USH2A: variants seen among roughly 807,000 people sequenced by gnomAD.
USH2A encodes the protein Usher syndrome 2A (autosomal recessive, mild).
A neutral mutation model predicts 538.9 loss-of-function variants in USH2A; 443 were observed. The ratio of observed to expected loss-of-function variants is 0.82; its 90% CI spans 0.76 to 0.89. USH2A has a LOEUF of 0.89. Among genes scored for constraint, USH2A ranks in the 40% least tolerant of loss-of-function variants. USH2A has a pLI of 0.00. For synonymous variants in USH2A, 2,413 were observed against 2,273.5 expected, an observed-to-expected ratio of 1.06 and a Z score of -1.75; for missense variants, 6,633 against 6,324.8, an observed-to-expected ratio of 1.05 and a Z score of -1.65.
intron 12 of USH2A, among the ~76,000 whole-genome samples, chr1:216,247,755 G>T (rs559539277): frequency 6.6e-6 from 1 of 152,012 alleles, no homozygotes; most frequent in East Asian, 1.9e-4. Context: ...ATTGCTAAGA[G>T]ATTAGATCTT....
intron 21 of USH2A, among the ~76,000 whole-genome samples, chr1:216,107,169 A>G (rs567710291): frequency 2.4e-4 from 36 of 151,874 alleles, no homozygotes; most frequent in African/African-American, 8.4e-4. Context: ...AGTGTGTTTG[A>G]TTTTTCTGTA....
intron 47 of USH2A, among the ~76,000 whole-genome samples, chr1:215,826,995 G>T (rs952615737): frequency 6.6e-6 from 1 of 152,132 alleles, no homozygotes; most frequent in African/African-American, 2.4e-5. Flanking sequence ...AGAAGTGAGT[G>T]TTGGAAAAGA....
intron 11 of USH2A, among the ~76,000 whole-genome samples, chr1:216,265,672 A>G (rs2036457747): frequency 6.6e-6 from 1 of 151,666 alleles, no homozygotes; most frequent in South Asian, 2.1e-4. Context: ...ATATATAAAT[A>G]TATAATGAAA....
chr1:216,186,092 A>AT (rs989846343), intron 20 of USH2A, among the ~76,000 whole-genome samples: 3 of 151,852 alleles, frequency 2.0e-5, no homozygotes, highest in Admixed American at 6.6e-5. Flanking sequence ...GAAAATAAAC[A>AT]TTTTTTCCAG....
chr1:216,004,829 T>C (rs556738267), intron 32 of USH2A, among the ~76,000 whole-genome samples: 83 of 152,220 alleles, frequency 5.5e-4, no homozygotes, highest in African/African-American at 1.9e-3. Flanking sequence ...GAGAATCTAG[T>C]TCAAAAGTGA....
At chr1:216,207,504 C>T in intron 15 of USH2A, 73 bp from the exon 16 acceptor site, 3 of 1,577,240 alleles carry the variant, frequency 1.9e-6, no homozygotes, top group Non-Finnish European at 2.6e-6. Flanking sequence ...AGTAAGATAT[C>T]CAGCAAAGAG....
intron 13 of USH2A, among the ~76,000 whole-genome samples, chr1:216,241,290 A>G (rs1454892577): frequency 6.6e-6 from 1 of 152,198 alleles, no homozygotes; most frequent in Non-Finnish European, 1.5e-5. Flanking sequence ...ATAAACATCT[A>G]AAGGAGTTGA....
At chr1:216,090,437 A>C in intron 22 of USH2A, among the ~76,000 whole-genome samples, 1 of 150,746 alleles carries the variant, frequency 6.6e-6, no homozygotes, top group Admixed American at 6.7e-5. Flanking sequence ...AAAGTAAAAA[A>C]AAAAAAAAAA....
At chr1:216,010,772 TTAAC>T (rs1341094968) in intron 32 of USH2A, among the ~76,000 whole-genome samples, 25 of 151,794 alleles carry the variant, frequency 1.6e-4, no homozygotes, top group African/African-American at 5.3e-4. Flanking sequence ...CTGAGACACT[TTAAC>T]TAAATTATCT....
At position 215,728,123 on chromosome 1, in the gene USH2A, G is replaced by T. The variant is rs760693392; in HGVS notation, c.11973C>A (p.Pro3991=). ...CACGGTAATGGGAGATAATGCCATT[G>T]GGAGATTCTGGCTTTGTCCAATTCA... is the stretch of plus-strand genomic sequence containing the variant. ...VLLNWTKPES[P]NGIISHYRVV... The change falls in exon 61 of 72, where the codon CCC becomes CCA. Residue 3991 remains proline, a synonymous_variant. Coordinates refer to ENST00000307340, the MANE Select transcript of USH2A (RefSeq NM_206933.4). 6.2e-7 allele frequency: 1 copy of T among 1,614,156 alleles called. No individual in the cohort carries two copies. The highest frequency in any genetic ancestry group is 1.1e-5 in the South Asian group (1 of 91,086).
intron 70 of USH2A, chr1:215,629,887 T>C (rs1571915604): frequency 3.6e-6 from 1 of 276,480 alleles, no homozygotes; most frequent in East Asian, 9.8e-5. Context: ...GCCATTCTCC[T>C]GCCTCAGCCT....
chr1:216,094,051 C>T (rs1456962421), intron 22 of USH2A, among the ~76,000 whole-genome samples: 1 of 152,028 alleles, frequency 6.6e-6, no homozygotes, highest in East Asian at 1.9e-4. Flanking sequence ...ACAAGTGGTC[C>T]TGTGATTAGT....
Position 216,070,142 on chromosome 1 carries a change from G to C in USH2A, c.6008C>G (p.Pro2003Arg), listed in dbSNP as rs150966517. The C allele has an allele frequency of 1.2e-6, 2 of 1,613,818 alleles. No individual in the cohort carries two copies. The highest frequency in any genetic ancestry group is 2.2e-5 in the South Asian group (2 of 91,084). Residue 2003 changes from proline (P) to arginine (R), a missense_variant, in exon 30 of 72, where the codon CCC becomes CGC. Pro to Arg is a moderately radical substitution (Grantham distance 103). Coordinates refer to ENST00000307340, the MANE Select transcript of USH2A (RefSeq NM_206933.4). ...SEDSTRPPRM[P>R]SASAEFVNTS... Reference sequence around the variant, plus strand: ...ATTGACAAATTCAGCACTGGCAGAGGGCATGCGGGGTGGACGGGTGCTGTC... The same window carrying C: ...ATTGACAAATTCAGCACTGGCAGAGCGCATGCGGGGTGGACGGGTGCTGTC...
intron 12 of USH2A, among the ~76,000 whole-genome samples, chr1:216,249,262 T>C (rs1331353365): frequency 6.6e-6 from 1 of 152,100 alleles, no homozygotes; most frequent in African/African-American, 2.4e-5. Context: ...TATTTATGTT[T>C]CCTGCAGAAA....
In USH2A at chr1:215,971,088, T is replaced by C. The variant is rs1667484962; in HGVS notation, c.6806-312A>G. Among the ~76,000 whole-genome samples the C allele has an allele frequency of 2.0e-5, 3 of 152,190 alleles. No individual in the cohort carries two copies. The South Asian group carries it at 6.2e-4, about 32-fold the overall frequency. ...AGATCAAAAATTAATAAGTGAAGCA[T>C]ACTTATAATTTGTATTGCTTTCTAA... On this transcript the variant is annotated intron_variant, in intron 35 of 71. Coordinates refer to ENST00000307340, the MANE Select transcript of USH2A (RefSeq NM_206933.4).
intron 40 of USH2A, among the ~76,000 whole-genome samples, chr1:215,892,431 TG>T (rs1014980137): frequency 2.0e-5 from 3 of 152,192 alleles, no homozygotes; most frequent in Admixed American, 6.6e-5. Flanking sequence ...AAAATCAAAG[TG>T]GCAAATATAT....
intron 58 of USH2A, among the ~76,000 whole-genome samples, chr1:215,747,864 G>GTTTT (rs887299193): frequency 0.011 from 1,646 of 147,494 alleles, 29 homozygotes; most frequent in African/African-American, 0.039. Flanking sequence ...CAGGTTTTTT[G>GTTTT]TTTTTTTTTG....
chr1:215,669,397 G>T (rs1415404764), intron 64 of USH2A, among the ~76,000 whole-genome samples: 1 of 152,160 alleles, frequency 6.6e-6, no homozygotes, highest in African/African-American at 2.4e-5. Context: ...GTTCCTTTAT[G>T]ACATAAACCA....
At chr1:216,374,022 A>C (rs918830551) in intron 3 of USH2A, among the ~76,000 whole-genome samples, 1 of 146,446 alleles carries the variant, frequency 6.8e-6, no homozygotes, top group Non-Finnish European at 1.5e-5. Context: ...CAAACACTGC[A>C]TGTTCTCACT....
Sources: gnomAD v4.1 joint callset for allele counts (sites outside exome capture counted in the v4.1 genomes callset) on GRCh38, gnomAD v4.1.1 for gene constraint, MANE v1.5 for transcripts, NCBI Gene and HGNC (gene_info 2026-07-23, HGNC 2026-07-21) for gene names.